The following RPRD1B variants were observed in gnomAD, a reference collection of about 807,000 sequenced individuals.
RPRD1B encodes regulation of nuclear pre-mRNA domain containing 1B.
A neutral mutation model predicts 41.5 loss-of-function variants in RPRD1B; 11 were observed. That is an observed-to-expected ratio of 0.27 (90% CI 0.17 to 0.44). The LOEUF (loss-of-function observed/expected upper bound fraction) is 0.44. Among genes scored for constraint, RPRD1B ranks in the 20% least tolerant of loss-of-function variants. RPRD1B has a pLI of 1.00. For synonymous variants in RPRD1B, 158 were observed against 155.6 expected, an observed-to-expected ratio of 1.02 and a Z score of -0.12; for missense variants, 248 against 389.9, an observed-to-expected ratio of 0.64 and a Z score of 3.06.
chr20:38,049,624 T>C, intron 3 of RPRD1B: 1 of 428,262 alleles, frequency 2.3e-6, no homozygotes, highest in South Asian at 1.8e-5. Context: ...CGCCTCAGCC[T>C]CCCAAAGTGC....
chr20:38,070,262 T>A, intron 6 of RPRD1B: 1 of 985,428 alleles, frequency 1.0e-6, no homozygotes, highest in Non-Finnish European at 1.2e-6. Context: ...TGTTGGCCCT[T>A]AAACACCAGG....
chr20:38,082,255 C>T (rs1568662642), intron 6 of RPRD1B, among the ~76,000 whole-genome samples: 2 of 152,056 alleles, frequency 1.3e-5, no homozygotes, highest in Admixed American at 6.6e-5. Flanking sequence ...ATAGGTCTGT[C>T]CAGGGTTTCA....
chr20:38,087,129 T>C (rs534530362), intron 6 of RPRD1B, among the ~76,000 whole-genome samples: 2 of 152,262 alleles, frequency 1.3e-5, no homozygotes, highest in East Asian at 1.9e-4. Flanking sequence ...CAGCTAACTT[T>C]TGTATTTCTT....
intron 1 of RPRD1B, among the ~76,000 whole-genome samples, 191 bp downstream of exon 1, chr20:38,034,289 C>T (rs2073968836): frequency 6.6e-6 from 1 of 152,226 alleles, no homozygotes; most frequent in Non-Finnish European, 1.5e-5. Context: ...AGGTACTTGC[C>T]TGAGGGTCCA....
At chr20:38,048,683 T>A in intron 3 of RPRD1B, 1 of 757,478 alleles carries the variant, frequency 1.3e-6, no homozygotes, top group Non-Finnish European at 1.6e-6. Context: ...ATTCATCCTC[T>A]CACACCCTGA....
chr20:38,080,627 G>C (rs990106567), intron 6 of RPRD1B, among the ~76,000 whole-genome samples: 1 of 152,202 alleles, frequency 6.6e-6, no homozygotes, highest in Admixed American at 6.5e-5. Flanking sequence ...CCAGATTTGA[G>C]CAGTTCTCCT....
chr20:38,055,320 C>A (rs527994267), intron 3 of RPRD1B, among the ~76,000 whole-genome samples: 1 of 152,334 alleles, frequency 6.6e-6, no homozygotes, highest in South Asian at 2.1e-4. Flanking sequence ...AATTTAGATA[C>A]ATATCAGAGC....
chr20:38,061,181 A>G (rs6022723), intron 5 of RPRD1B, among the ~76,000 whole-genome samples: 41,823 of 152,186 alleles, frequency 0.27, 7,933 homozygotes, highest in African/African-American at 0.55. Flanking sequence ...AAGGTGTACA[A>G]TTTAGTTGTG....
intron 6 of RPRD1B, among the ~76,000 whole-genome samples, chr20:38,078,229 CT>C (rs2074482831): frequency 6.6e-6 from 1 of 151,440 alleles, no homozygotes; most frequent in African/African-American, 2.4e-5. Flanking sequence ...TGCCCTATGA[CT>C]TGGCCCCTGC....
chr20:38,080,143 A>G (rs2074500076), intron 6 of RPRD1B, among the ~76,000 whole-genome samples: 1 of 152,208 alleles, frequency 6.6e-6, no homozygotes, highest in South Asian at 2.1e-4. Context: ...TAGTTTGCAA[A>G]TATTTTCTCC....
chr20:38,076,906 CTTTTTTTTTTTTTTTTT>C (rs573460686), intron 6 of RPRD1B, among the ~76,000 whole-genome samples: 6 of 63,510 alleles, frequency 9.4e-5, no homozygotes, highest in Non-Finnish European at 1.1e-4. Flanking sequence ...CATTCTGGAC[CTTTTTTTTTTTTTTTTT>C]TTTTTTTTTT....
At chr20:38,050,103 G>T (rs532726479) in intron 3 of RPRD1B, among the ~76,000 whole-genome samples, 12 of 152,192 alleles carry the variant, frequency 7.9e-5, no homozygotes, top group South Asian at 2.1e-4. Flanking sequence ...TTGTTCTCTG[G>T]TACTTTATAC....
intron 5 of RPRD1B, among the ~76,000 whole-genome samples, chr20:38,061,963 TGAG>T (rs1424625511): frequency 2.6e-5 from 4 of 152,094 alleles, no homozygotes; most frequent in African/African-American, 7.2e-5. Flanking sequence ...TATCTTGAGA[TGAG>T]GAGATTACCC....
chr20:38,082,716 G>A (rs944987621), intron 6 of RPRD1B, among the ~76,000 whole-genome samples: 5 of 152,148 alleles, frequency 3.3e-5, no homozygotes, highest in African/African-American at 1.2e-4. Context: ...TTCTGCCACA[G>A]CCATCTCCCT....
chr20:38,082,361 GT>G (rs1301149596), intron 6 of RPRD1B, among the ~76,000 whole-genome samples: 2 of 151,976 alleles, frequency 1.3e-5, no homozygotes, highest in African/African-American at 4.8e-5. Context: ...GGTTGAACTT[GT>G]ATTTTCTTTT....
At position 38,066,002 on chromosome 20, in the gene RPRD1B, AACCTCC is replaced by A; in HGVS notation, c.656-78_656-73del. ...TCTGTATATTGGGAGAGAAACCGTTAACCTCCCCCAGAAATGTTTGTAGTCATACCT... is the reference window on the plus strand; with the variant it reads ...TCTGTATATTGGGAGAGAAACCGTTACCCAGAAATGTTTGTAGTCATACCT... On this transcript the variant is annotated intron_variant, in intron 5 of 6. Coordinates refer to ENST00000373433, the MANE Select transcript of RPRD1B (RefSeq NM_021215.4). The A allele has an allele frequency of 2.8e-6, 4 of 1,403,982 alleles. No individual in the cohort carries two copies. The East Asian group carries it at 9.2e-5, about 32-fold the overall frequency. 87.0% of individuals were successfully genotyped at this position (1,403,982 alleles called of 1,614,324 possible).
At chr20:38,046,796 G>T (rs573037277) in intron 2 of RPRD1B, among the ~76,000 whole-genome samples, 1 of 152,138 alleles carries the variant, frequency 6.6e-6, no homozygotes, top group African/African-American at 2.4e-5. Context: ...GGTAGGAGAT[G>T]AGGCCAGGGA....
At chr20:38,084,467 T>C (rs1263151693) in intron 6 of RPRD1B, among the ~76,000 whole-genome samples, 1 of 152,198 alleles carries the variant, frequency 6.6e-6, no homozygotes, top group Non-Finnish European at 1.5e-5. Flanking sequence ...TTAGATGTGT[T>C]GCTAGAGGAA....
At chr20:38,059,618 T>G (rs917215881) in intron 5 of RPRD1B, 98 bp downstream of exon 5, 7 of 1,180,102 alleles carry the variant, frequency 5.9e-6, no homozygotes, top group Non-Finnish European at 8.2e-6. Context: ...TATAGACTAC[T>G]TTCCATGTTG....
Sources: gnomAD v4.1 joint callset for allele counts (sites outside exome capture counted in the v4.1 genomes callset) on GRCh38, gnomAD v4.1.1 for gene constraint, MANE v1.5 for transcripts, NCBI Gene and HGNC (gene_info 2026-07-23, HGNC 2026-07-21) for gene names.